The following TMEM18 variants were observed in gnomAD, a reference collection of about 807,000 sequenced individuals.
The protein encoded by TMEM18 is transmembrane protein 18.
Under a neutral mutation model 17.4 loss-of-function variants are expected in TMEM18, and 14 were observed. The ratio of observed to expected loss-of-function variants is 0.80; its 90% confidence interval spans 0.53 to 1.25. TMEM18 has a LOEUF of 1.25. TMEM18 is among the 50% of genes most tolerant of loss of function. TMEM18 has a pLI of 0.00. For missense variants in TMEM18, 187 were observed against 172.1 expected, an observed-to-expected ratio of 1.09 and a Z score of -0.48; for synonymous variants, 86 against 66.1, an observed-to-expected ratio of 1.30 and a Z score of -1.46.
Position 669,267 on chromosome 2 carries a change from A to T in TMEM18, c.*313T>A, listed in dbSNP as rs576366473. 3.4e-6 allele frequency: 1 copy of T among 296,688 alleles called. No homozygotes were observed. Among genetic ancestry groups the T allele is most frequent in the South Asian group, 7.5e-5 (1 of 13,292 alleles). 18.4% of individuals were successfully genotyped at this position (296,688 alleles called of 1,614,324 possible). A position where few individuals can be genotyped will look rare whatever the true frequency, so the allele number is the denominator to read the frequency against. On this transcript the variant is annotated 3_prime_UTR_variant, in exon 5 of 5. Coordinates refer to ENST00000281017, the MANE Select transcript of TMEM18 (RefSeq NM_152834.4). The stretch of plus-strand genomic sequence containing the variant: ...ATTTTATATTGTGTATTTTATATTT[A>T]TAATTAGTACTAGTTACACATATGA...
chr2:673,923 C>T (rs1002880909), intron 2 of TMEM18, among the ~76,000 whole-genome samples: 1 of 151,690 alleles, frequency 6.6e-6, no homozygotes, highest in Non-Finnish European at 1.5e-5. Flanking sequence ...GGGTGGTAGG[C>T]ACGGGAGGAA....
chr2:675,044 T>C (rs1193942424), intron 2 of TMEM18, among the ~76,000 whole-genome samples: 6 of 152,382 alleles, frequency 3.9e-5, no homozygotes, highest in Middle Eastern at 3.4e-3. Context: ...TTCTGAATAA[T>C]CTTTCTCAGT....
intron 1 of TMEM18, chr2:676,729 G>A (rs1659245528): frequency 2.3e-6 from 3 of 1,290,754 alleles, no homozygotes; most frequent in Admixed American, 2.2e-5. Context: ...ACACTGGGCA[G>A]CGTTCCTCCG....
chr2:673,989 C>T (rs986423360), intron 2 of TMEM18, among the ~76,000 whole-genome samples: 1 of 152,032 alleles, frequency 6.6e-6, no homozygotes, highest in Non-Finnish European at 1.5e-5. Context: ...TGAAATGCAC[C>T]CTGGAGCAGA....
At chr2:672,394 G>A (rs934229550) in intron 3 of TMEM18, among the ~76,000 whole-genome samples, 1 of 152,136 alleles carries the variant, frequency 6.6e-6, no homozygotes, top group Admixed American at 6.5e-5. Context: ...GGATGAGGCA[G>A]GCAGGTGCCC....
intron 3 of TMEM18, among the ~76,000 whole-genome samples, chr2:671,956 G>C (rs1462137295): frequency 6.6e-6 from 1 of 152,166 alleles, no homozygotes; most frequent in African/African-American, 2.4e-5. Context: ...CAGGGACGCT[G>C]TCGTGGAGGG....
intron 3 of TMEM18, 127 bp downstream of exon 3, chr2:672,681 C>T (rs1439602768): frequency 2.2e-5 from 17 of 774,852 alleles, no homozygotes; most frequent in South Asian, 7.2e-5. Context: ...CCTGGATGCA[C>T]GGGCACGGGC....
At chr2:676,262 G>C in intron 1 of TMEM18, 3 of 1,444,848 alleles carry the variant, frequency 2.1e-6, no homozygotes, top group Non-Finnish European at 2.8e-6. Flanking sequence ...CTGGCTCAGG[G>C]ACCTGAAGTA....
intron 2 of TMEM18, among the ~76,000 whole-genome samples, chr2:673,130 GC>G (rs1678898870): frequency 1.3e-5 from 2 of 152,208 alleles, no homozygotes; most frequent in Admixed American, 6.5e-5. Flanking sequence ...TACTGCAGGA[GC>G]CGCCCGAGGC....
At chr2:676,177 C>G (rs2293083) in intron 1 of TMEM18, 978,631 of 1,342,306 alleles carry the variant, frequency 0.73, 358,263 homozygotes, top group East Asian at 0.84. Context: ...CTGCAATACA[C>G]TGAACTCTCC....
chr2:676,617 C>G (rs1202156630), intron 1 of TMEM18: 1 of 1,550,428 alleles, frequency 6.4e-7, no homozygotes, highest in South Asian at 1.2e-5. Context: ...CGGCTTTCTG[C>G]CCAGACCCCA....
At chr2:675,390 A>G in intron 2 of TMEM18, 120 bp downstream of exon 2, 1 of 1,459,708 alleles carries the variant, frequency 6.9e-7, no homozygotes, top group Non-Finnish European at 9.4e-7. Context: ...GAGCAGGCAC[A>G]TGACAGAGGG....
At chr2:676,078 T>C in intron 1 of TMEM18, 1 of 1,321,192 alleles carries the variant, frequency 7.6e-7, no homozygotes. Flanking sequence ...AAAACATGAA[T>C]CATCATTTCA....
chr2:676,519 G>A, intron 1 of TMEM18: 1 of 1,539,662 alleles, frequency 6.5e-7, no homozygotes, highest in Non-Finnish European at 8.8e-7. Context: ...GGCTTCTCCA[G>A]AGCCGCGCCA....
Position 665,370 on chromosome 2 carries a change from A to G in TMEM18, c.*4210T>C, listed in dbSNP as rs1335635946. 6.7e-6 allele frequency among the ~76,000 whole-genome samples: 1 copy of G among 149,634 alleles called. No individual in the cohort carries two copies. The highest frequency in any genetic ancestry group is 2.5e-5 in the African/African-American group (1 of 40,250). ...CAGATAGAGAATCAACCCCACATAA[A>G]CTAGAACCCAGAGATGCAGATGCCC... On this transcript the variant is annotated 3_prime_UTR_variant, in exon 5 of 5. Transcript: ENST00000281017.
At chr2:672,380 C>T (rs1040105184) in intron 3 of TMEM18, among the ~76,000 whole-genome samples, 1 of 152,054 alleles carries the variant, frequency 6.6e-6, no homozygotes, top group Non-Finnish European at 1.5e-5. Flanking sequence ...GGATGTGGGG[C>T]TGGGGATGAG....
At chr2:676,008 TGAC>T (rs1678994523) in intron 1 of TMEM18, 7 of 1,305,226 alleles carry the variant, frequency 5.4e-6, no homozygotes, top group East Asian at 5.0e-5. Context: ...TGATAATTGG[TGAC>T]GACAAGGAAA....
At chr2:674,531 T>G (rs1467102165) in intron 2 of TMEM18, among the ~76,000 whole-genome samples, 1 of 152,220 alleles carries the variant, frequency 6.6e-6, no homozygotes. Flanking sequence ...CAGGAAGCTG[T>G]GGGAGGCAAA....
In TMEM18 at chr2:669,586, T is replaced by C. The variant is rs1374377464; in HGVS notation, c.417A>G (p.Glu139=). The change falls in exon 5 of 5, where the codon GAA becomes GAG. Residue 139 remains glutamate (E), a synonymous_variant. Coordinates refer to ENST00000281017, the MANE Select transcript of TMEM18 (RefSeq NM_152834.4). The stretch of plus-strand genomic sequence containing the variant: ...TCCAAGCAGCTGCTGCCCCTCAGTC[T>C]TCTTTCCTTCTCCTTTTCTTTTCCT... ...RRKEKKRRRK[E]D 6.2e-7 allele frequency: 1 copy of C among 1,614,220 alleles called. No homozygotes were observed. Among genetic ancestry groups the C allele is most frequent in the South Asian group, 1.1e-5 (1 of 91,084 alleles).
Sources: gnomAD v4.1 joint callset for allele counts (sites outside exome capture counted in the v4.1 genomes callset) on GRCh38, gnomAD v4.1.1 for gene constraint, MANE v1.5 for transcripts, NCBI Gene and HGNC (gene_info 2026-07-23, HGNC 2026-07-21) for gene names.